Variants in EYA1 observed in about 807,000 individuals in gnomAD.
EYA1 encodes EYA transcriptional coactivator and phosphatase 1.
EYA1 carries 16 observed loss-of-function variants against 82.0 expected under a neutral mutation model. The observed-to-expected ratio is 0.20, with a 90% CI of 0.13 to 0.30. The LOEUF is 0.30. Among genes scored for constraint, EYA1 ranks in the 10% least tolerant of loss-of-function variants. EYA1 has a pLI of 1.00. For synonymous variants in EYA1, 261 were observed against 264.4 expected (o/e 0.99, Z 0.12); for missense variants, 633 against 730.7 (o/e 0.87, Z 1.54).
At chr8:71,410,050 G>C (rs1003820074) in intron 2 of EYA1, among the ~76,000 whole-genome samples, 3 of 152,074 alleles carry the variant, frequency 2.0e-5, no homozygotes, top group African/African-American at 7.3e-5. Flanking sequence ...TTCATCCCTG[G>C]GTTCAATATA....
At chr8:71,462,176 C>G (rs1008798141) in intron 2 of EYA1, among the ~76,000 whole-genome samples, 4 of 152,170 alleles carry the variant, frequency 2.6e-5, no homozygotes, top group African/African-American at 9.6e-5. Context: ...CTGCCACCGT[C>G]CATGGTGCCC....
At chr8:71,402,308 T>C (rs994131994) in intron 2 of EYA1, among the ~76,000 whole-genome samples, 10 of 152,006 alleles carry the variant, frequency 6.6e-5, no homozygotes, top group East Asian at 3.9e-4. Flanking sequence ...TTACTAGCAA[T>C]CATAAGCTGA....
In EYA1 at chr8:71,356,444, T is replaced by C; in HGVS notation, c.-5+18A>G. On this transcript the variant is annotated intron_variant, in intron 2 of 17. Coordinates refer to ENST00000340726, the MANE Select transcript of EYA1 (RefSeq NM_000503.6). ...AAAGGTAATCTCCAAAAATGTCAAA[T>C]ATCAACAATATCCTTACCTGCAACT... The C allele has an allele frequency of 6.3e-7, 1 of 1,574,820 alleles. No homozygotes were observed. The highest frequency in any genetic ancestry group is 2.3e-5 in the East Asian group (1 of 43,518).
intron 11 of EYA1, among the ~76,000 whole-genome samples, chr8:71,261,502 G>A (rs1240470490): frequency 1.3e-5 from 2 of 152,168 alleles, no homozygotes; most frequent in East Asian, 1.9e-4. Context: ...AACTTGTGGT[G>A]GGGCTAATCA....
At chr8:71,276,932 G>T (rs1817242692) in intron 9 of EYA1, among the ~76,000 whole-genome samples, 1 of 151,948 alleles carries the variant, frequency 6.6e-6, no homozygotes, top group Admixed American at 6.6e-5. Flanking sequence ...TACATGTAAA[G>T]GTACTTGGAG....
chr8:71,359,707 A>C (rs969247915), intron 1 of EYA1, among the ~76,000 whole-genome samples: 1 of 152,186 alleles, frequency 6.6e-6, no homozygotes, highest in Non-Finnish European at 1.5e-5. Flanking sequence ...TGCTAGAAGC[A>C]ATTTTTATAA....
chr8:71,501,495 A>G (rs148371928), intron 2 of EYA1, among the ~76,000 whole-genome samples: 1 of 152,358 alleles, frequency 6.6e-6, no homozygotes, highest in African/African-American at 2.4e-5. Context: ...CTACCAAAAG[A>G]AAATTGTATG....
At chr8:71,443,695 A>G (rs925126082) in intron 2 of EYA1, among the ~76,000 whole-genome samples, 48 of 152,262 alleles carry the variant, frequency 3.2e-4, no homozygotes, top group Non-Finnish European at 5.3e-4. Flanking sequence ...TCCCCATATT[A>G]CATTGGCCTT....
upstream of EYA1, among the ~76,000 whole-genome samples, chr8:71,366,029 A>G (rs552538607): frequency 6.6e-6 from 1 of 152,304 alleles, no homozygotes; most frequent in South Asian, 2.1e-4. Flanking sequence ...ACACAATATG[A>G]AAATAGAACC....
chr8:71,251,069 C>CT (rs2128916052), intron 11 of EYA1, among the ~76,000 whole-genome samples: 1 of 152,198 alleles, frequency 6.6e-6, no homozygotes, highest in East Asian at 1.9e-4. Context: ...TAAGGAAGAG[C>CT]CCATTCTTAG....
chr8:71,497,544 T>A (rs1374227137), intron 2 of EYA1, among the ~76,000 whole-genome samples: 2 of 152,072 alleles, frequency 1.3e-5, no homozygotes, highest in Non-Finnish European at 2.9e-5. Flanking sequence ...CCTGTTAGAA[T>A]GGCTATTTTA....
intron 2 of EYA1, among the ~76,000 whole-genome samples, chr8:71,486,786 G>T (rs1483513457): frequency 6.6e-6 from 1 of 151,946 alleles, no homozygotes; most frequent in Non-Finnish European, 1.5e-5. Flanking sequence ...CTCCCACCAG[G>T]GAGTTGTCTC....
In EYA1 at chr8:71,361,840, C is replaced by T. The variant is rs1827412134; in HGVS notation, c.-248G>A. 2 of 985,484 alleles carry T rather than the reference C, an allele frequency of 2.0e-6. No homozygotes were observed. The highest frequency in any genetic ancestry group is 1.1e-4 in the East Asian group (1 of 8,810). The allele number at this position is 985,484 out of a possible 1,614,324, so 61.0% of individuals were successfully genotyped here. On this transcript the variant is annotated 5_prime_UTR_variant, in exon 1 of 18. Coordinates refer to ENST00000340726, the MANE Select transcript of EYA1 (RefSeq NM_000503.6). Reference sequence around the variant, plus strand: ...AAAGCTCGGCGCAGGGGGCAGGCGCCTGGCCGCTGCCGCAGGCTCGGGCTG... The same window carrying T: ...AAAGCTCGGCGCAGGGGGCAGGCGCTTGGCCGCTGCCGCAGGCTCGGGCTG...
intron 2 of EYA1, among the ~76,000 whole-genome samples, chr8:71,432,804 A>C (rs1563609001): frequency 6.6e-6 from 1 of 152,206 alleles, no homozygotes; most frequent in Non-Finnish European, 1.5e-5. Flanking sequence ...TGAGTAAATT[A>C]TTCAAATGAG....
chr8:71,350,384 A>T (rs1025706489), intron 3 of EYA1, among the ~76,000 whole-genome samples: 9 of 152,338 alleles, frequency 5.9e-5, no homozygotes, highest in African/African-American at 1.9e-4. Flanking sequence ...TAAAAATGAT[A>T]AAAACAGCTT....
At chr8:71,481,575 A>T (rs1222425232) in intron 2 of EYA1, among the ~76,000 whole-genome samples, 1 of 152,198 alleles carries the variant, frequency 6.6e-6, no homozygotes, top group African/African-American at 2.4e-5. Flanking sequence ...GTATGAAAAC[A>T]AACGAGATTG....
At chr8:71,210,610 G>A (rs915520689) in intron 17 of EYA1, among the ~76,000 whole-genome samples, 1 of 152,186 alleles carries the variant, frequency 6.6e-6, no homozygotes, top group Non-Finnish European at 1.5e-5. Flanking sequence ...TGGGCAAAGC[G>A]GGAGTCAAGA....
chr8:71,493,005 A>C (rs938549130), intron 2 of EYA1, among the ~76,000 whole-genome samples: 9 of 151,948 alleles, frequency 5.9e-5, no homozygotes, highest in African/African-American at 2.2e-4. Flanking sequence ...AAAAGTGAGA[A>C]CCTGTGCTAA....
chr8:71,396,507 G>A (rs944965677), intron 2 of EYA1, among the ~76,000 whole-genome samples: 3 of 152,106 alleles, frequency 2.0e-5, no homozygotes, highest in Non-Finnish European at 4.4e-5. Flanking sequence ...GTTCTCATTG[G>A]TTTCAAAGAA....
Sources: gnomAD v4.1 joint callset for allele counts (sites outside exome capture counted in the v4.1 genomes callset) on GRCh38, gnomAD v4.1.1 for gene constraint, MANE v1.5 for transcripts, NCBI Gene and HGNC (gene_info 2026-07-23, HGNC 2026-07-21) for gene names.